Variants in SUCLG2 observed in about 807,000 individuals in gnomAD.
SUCLG2 encodes the protein succinate--CoA ligase [GDP-forming] subunit beta, mitochondrial.
In SUCLG2, 42 loss-of-function variants were observed where a neutral mutation model predicts 47.9. The observed-to-expected ratio is 0.88, with a 90% confidence interval of 0.69 to 1.14. SUCLG2 has a LOEUF of 1.14. Ranked by LOEUF, SUCLG2 falls within the 50% of genes most tolerant of loss-of-function variation. The pLI is 0.00. For synonymous variants in SUCLG2, 195 were observed against 197.3 expected (o/e 0.99, Z 0.10); for missense variants, 571 against 525.9 (o/e 1.09, Z -0.84).
intron 10 of SUCLG2, among the ~76,000 whole-genome samples, chr3:67,388,588 T>G (rs751791491): frequency 2.0e-5 from 3 of 152,178 alleles, no homozygotes; most frequent in Non-Finnish European, 4.4e-5. Context: ...GCACTGATCA[T>G]AGGTGAAACA....
At chr3:67,496,988 G>A (rs1356646949) in intron 8 of SUCLG2, among the ~76,000 whole-genome samples, 1 of 152,156 alleles carries the variant, frequency 6.6e-6, no homozygotes, top group African/African-American at 2.4e-5. Flanking sequence ...AGGCTGCTAT[G>A]TGGTCAAACC....
intron 9 of SUCLG2, among the ~76,000 whole-genome samples, chr3:67,451,387 G>T (rs377669595): frequency 6.6e-6 from 1 of 152,138 alleles, no homozygotes; most frequent in Non-Finnish European, 1.5e-5. Flanking sequence ...CTTCGTTTTC[G>T]TAAGTAAGTC....
At chr3:67,391,989 G>A (rs1177163888) in intron 10 of SUCLG2, among the ~76,000 whole-genome samples, 1 of 152,140 alleles carries the variant, frequency 6.6e-6, no homozygotes, top group Non-Finnish European at 1.5e-5. Flanking sequence ...CATTGGAGAC[G>A]TGGCTCTTGG....
At chr3:67,489,995 A>G (rs557575850) in intron 9 of SUCLG2, among the ~76,000 whole-genome samples, 41 of 152,344 alleles carry the variant, frequency 2.7e-4, no homozygotes, top group African/African-American at 9.9e-4. Context: ...AGGCAACAGT[A>G]TAACTGTAAC....
At chr3:67,472,818 G>C (rs142621044) in intron 9 of SUCLG2, among the ~76,000 whole-genome samples, 42 of 152,266 alleles carry the variant, frequency 2.8e-4, no homozygotes, top group African/African-American at 9.1e-4. Flanking sequence ...CTGGAGTGGG[G>C]ATAATGATAT....
intron 2 of SUCLG2, among the ~76,000 whole-genome samples, chr3:67,608,152 A>G (rs1333027963): frequency 6.6e-6 from 1 of 152,200 alleles, no homozygotes; most frequent in South Asian, 2.1e-4. Context: ...GCTTGACTTT[A>G]AAGTCATGCC....
chr3:67,602,911 AT>A (rs1253836735), intron 2 of SUCLG2, among the ~76,000 whole-genome samples: 4 of 152,228 alleles, frequency 2.6e-5, no homozygotes, highest in African/African-American at 9.6e-5. Flanking sequence ...GGAGGCTCAC[AT>A]AATCACCAAG....
At chr3:67,429,052 C>T (rs1381351455) in intron 9 of SUCLG2, among the ~76,000 whole-genome samples, 2 of 152,110 alleles carry the variant, frequency 1.3e-5, no homozygotes, top group East Asian at 3.9e-4. Context: ...GAAGAACTTC[C>T]CCAACCTAGC....
intron 9 of SUCLG2, among the ~76,000 whole-genome samples, chr3:67,429,346 A>G (rs376871184): frequency 6.6e-6 from 1 of 152,190 alleles, no homozygotes; most frequent in Non-Finnish European, 1.5e-5. Context: ...ATATCCAGCC[A>G]AACTAAGCTT....
intron 2 of SUCLG2, among the ~76,000 whole-genome samples, chr3:67,553,361 T>C (rs1475051005): frequency 6.6e-6 from 1 of 152,252 alleles, no homozygotes; most frequent in Admixed American, 6.5e-5. Context: ...ATATTTGCTT[T>C]AATAAAGTGA....
intron 1 of SUCLG2, among the ~76,000 whole-genome samples, chr3:67,637,429 A>G (rs1326093894): frequency 1.3e-5 from 2 of 152,212 alleles, no homozygotes; most frequent in African/African-American, 4.8e-5. Context: ...TTAAAAAACG[A>G]AAGTACAGTC....
chr3:67,589,727 G>A (rs188831433), intron 2 of SUCLG2, among the ~76,000 whole-genome samples: 207 of 152,350 alleles, frequency 1.4e-3, no homozygotes, highest in Non-Finnish European at 2.2e-3. Flanking sequence ...GTGTGCAGGA[G>A]AGGTGGATGG....
At chr3:67,620,790 T>C (rs7642995) in intron 1 of SUCLG2, among the ~76,000 whole-genome samples, 67,340 of 151,154 alleles carry the variant, frequency 0.45, 15,260 homozygotes, top group African/African-American at 0.5. Context: ...GGCTCTGGGG[T>C]AGGAAAGGGG....
At chr3:67,633,687 A>T (rs993282380) in intron 1 of SUCLG2, among the ~76,000 whole-genome samples, 2 of 152,160 alleles carry the variant, frequency 1.3e-5, no homozygotes, top group Non-Finnish European at 2.9e-5. Flanking sequence ...GGCAATAATA[A>T]AACAAAACTT....
intron 2 of SUCLG2, among the ~76,000 whole-genome samples, chr3:67,579,280 T>G (rs79572381): frequency 9.9e-5 from 15 of 151,910 alleles, no homozygotes; most frequent in African/African-American, 3.6e-4. Context: ...AGATTAAGAG[T>G]AGAAGAATTT....
intron 9 of SUCLG2, among the ~76,000 whole-genome samples, chr3:67,422,942 A>C (rs1183021019): frequency 6.6e-6 from 1 of 152,144 alleles, no homozygotes; most frequent in Non-Finnish European, 1.5e-5. Flanking sequence ...TGGAAGGTAG[A>C]ATTATGTGGT....
intron 9 of SUCLG2, among the ~76,000 whole-genome samples, chr3:67,404,122 G>T (rs1468681854): frequency 2.6e-5 from 4 of 152,134 alleles, no homozygotes; most frequent in Non-Finnish European, 5.9e-5. Context: ...GACCTCTACT[G>T]ATCCTCCTGC....
At chr3:67,380,054 G>A (rs1396393972) in intron 10 of SUCLG2, among the ~76,000 whole-genome samples, 2 of 152,172 alleles carry the variant, frequency 1.3e-5, no homozygotes, top group Admixed American at 1.3e-4. Flanking sequence ...TGTGCTTGAC[G>A]AGAAGAGGAG....
chr3:67,609,910 T>C lies in SUCLG2; in HGVS notation c.85-314A>G, dbSNP rs145206122. On this transcript the variant is annotated intron_variant, in intron 1 of 10. Coordinates refer to ENST00000307227, the MANE Select transcript of SUCLG2 (RefSeq NM_003848.4). ...CTTTTGATATTGTACCACAACTACA[T>C]GAGGTGTCAGCATTAGGGGAAGCTG... Among the ~76,000 whole-genome samples, 1,171 of 152,266 alleles carry C rather than the reference T, an allele frequency of 7.7e-3. 10 individuals are homozygous for C. The highest frequency in any genetic ancestry group is 0.026 in the African/African-American group (1,100 of 41,542).
Sources: gnomAD v4.1 joint callset for allele counts (sites outside exome capture counted in the v4.1 genomes callset) on GRCh38, gnomAD v4.1.1 for gene constraint, MANE v1.5 for transcripts, NCBI Gene and HGNC (gene_info 2026-07-23, HGNC 2026-07-21) for gene names.